The following ELAC1 variants were observed in gnomAD, a reference collection of about 807,000 sequenced individuals.
The protein encoded by ELAC1 is zinc phosphodiesterase ELAC protein 1.
A neutral mutation model predicts 25.8 loss-of-function variants in ELAC1; 19 were observed. That is an observed-to-expected ratio of 0.74 (90% CI 0.51 to 1.08). ELAC1 has a LOEUF of 1.08. Among genes scored for constraint, ELAC1 ranks in the 50% least tolerant of loss-of-function variants. The pLI is 0.00. For synonymous variants in ELAC1, 148 were observed against 160.9 expected, an observed-to-expected ratio of 0.92 and a Z score of 0.61; for missense variants, 403 against 434.6, an observed-to-expected ratio of 0.93 and a Z score of 0.65.
chr18:50,975,256 T>C (rs941478170), intron 2 of ELAC1, among the ~76,000 whole-genome samples: 10 of 152,146 alleles, frequency 6.6e-5, no homozygotes, highest in Admixed American at 4.6e-4. Flanking sequence ...AAGGGTGTTA[T>C]GAGAATTACA....
chr18:50,977,635 T>A (rs1907828446), intron 2 of ELAC1, among the ~76,000 whole-genome samples: 1 of 152,192 alleles, frequency 6.6e-6, no homozygotes, highest in Non-Finnish European at 1.5e-5. Context: ...TCTGGCAACA[T>A]TTTCCCCATT....
Position 50,984,192 on chromosome 18 carries a change from T to C in ELAC1, c.254T>C (p.Met85Thr). The change falls in exon 3 of 4, where the codon ATG (methionine) becomes ACG (threonine). Residue 85 changes from methionine (M) to threonine (T), a missense_variant. Met to Thr is a moderately conservative substitution (Grantham distance 81, BLOSUM62 -1). Coordinates refer to ENST00000269466, the MANE Select transcript of ELAC1 (RefSeq NM_018696.3). ...LCTISLQSGSMVSKQPIEIYG... is the reference protein window; with the variant it reads ...LCTISLQSGSTVSKQPIEIYG... ...ACAATCAGCCTGCAGAGTGGCTCCA[T>C]GGTGTCCAAACAGCCTATTGAAATC... 1 of 1,614,190 alleles carries C rather than the reference T, an allele frequency of 6.2e-7. No homozygotes were observed. Among genetic ancestry groups the C allele is most frequent in the South Asian group, 1.1e-5 (1 of 91,086 alleles).
chr18:50,980,990 A>G (rs186197314), intron 2 of ELAC1, among the ~76,000 whole-genome samples: 41 of 152,118 alleles, frequency 2.7e-4, no homozygotes, highest in Non-Finnish European at 2.6e-4. Flanking sequence ...GATAATGGAT[A>G]TATTACATAG....
At chr18:50,978,650 A>ATGTG (rs1365011233) in intron 2 of ELAC1, among the ~76,000 whole-genome samples, 1 of 151,944 alleles carries the variant, frequency 6.6e-6, no homozygotes. Context: ...CACTGTGTAT[A>ATGTG]TGTGTGTGTG....
chr18:50,974,917 G>A (rs746290597), intron 2 of ELAC1, among the ~76,000 whole-genome samples: 6 of 152,230 alleles, frequency 3.9e-5, no homozygotes, highest in African/African-American at 1.4e-4. Context: ...AGGATGCAAA[G>A]GGTAGGAAAT....
chr18:50,981,790 T>C (rs1232882453), intron 2 of ELAC1, among the ~76,000 whole-genome samples: 1 of 152,000 alleles, frequency 6.6e-6, no homozygotes, highest in Non-Finnish European at 1.5e-5. Flanking sequence ...GAAAGTCAGA[T>C]ATTGGTAGTT....
chr18:50,982,720 A>G (rs1221912042), intron 2 of ELAC1, among the ~76,000 whole-genome samples: 2 of 152,240 alleles, frequency 1.3e-5, no homozygotes, highest in Non-Finnish European at 2.9e-5. Flanking sequence ...TGAAAGGAAG[A>G]ATGGACCCAA....
At chr18:50,978,222 CA>C (rs1453292163) in intron 2 of ELAC1, among the ~76,000 whole-genome samples, 1 of 152,192 alleles carries the variant, frequency 6.6e-6, no homozygotes, top group Non-Finnish European at 1.5e-5. Context: ...GTTCCAAAGT[CA>C]CTTCCACATT....
chr18:50,988,087 C>T lies in ELAC1; in HGVS notation c.*1002C>T, dbSNP rs547785313. On this transcript the variant is annotated 3_prime_UTR_variant, in exon 4 of 4. Transcript: ENST00000269466. Reference sequence around the variant, plus strand: ...ATCTGTTAAACTGAGGTTTCATTGACGTGTCCCTATTAATAAACGTTATTT... The same window carrying T: ...ATCTGTTAAACTGAGGTTTCATTGATGTGTCCCTATTAATAAACGTTATTT... The T allele has an allele frequency of 2.4e-4, 37 of 152,282 alleles. 1 individual carries two copies. Among genetic ancestry groups the T allele is most frequent in the African/African-American group, 7.5e-4 (31 of 41,558 alleles). 9.4% of individuals were successfully genotyped at this position (152,282 alleles called of 1,614,324 possible).
At chr18:50,986,011 C>CTTTTTTTTT (rs34348056) in intron 3 of ELAC1, among the ~76,000 whole-genome samples, 2 of 85,008 alleles carry the variant, frequency 2.4e-5, no homozygotes, top group Non-Finnish European at 4.4e-5. Flanking sequence ...TTGATTATAT[C>CTTTTTTTTT]TTTTTTTTTT....
At chr18:50,979,645 A>G (rs568772780) in intron 2 of ELAC1, among the ~76,000 whole-genome samples, 2 of 152,298 alleles carry the variant, frequency 1.3e-5, no homozygotes, top group South Asian at 4.1e-4. Context: ...GTAGGACGTG[A>G]ACACCAGGAG....
intron 2 of ELAC1, among the ~76,000 whole-genome samples, chr18:50,974,984 A>G (rs1406465154): frequency 6.6e-6 from 1 of 152,150 alleles, no homozygotes; most frequent in East Asian, 1.9e-4. Context: ...AACTTCTCAG[A>G]GAAGTTGACC....
intron 2 of ELAC1, among the ~76,000 whole-genome samples, chr18:50,976,881 C>G (rs1907808010): frequency 6.6e-6 from 1 of 152,202 alleles, no homozygotes; most frequent in African/African-American, 2.4e-5. Context: ...TAAATATACC[C>G]ATTCCAAATG....
At position 50,968,077 on chromosome 18, in the gene ELAC1, C is replaced by G. The variant is rs1053789071; in HGVS notation, c.-46C>G. ...ACAGCTGGGCCAGGGTGCGGGCCTGCGCCTCCCTCGGCTCCTGGCGCGGGC... is the reference window on the plus strand; with the variant it reads ...ACAGCTGGGCCAGGGTGCGGGCCTGGGCCTCCCTCGGCTCCTGGCGCGGGC... On this transcript the variant is annotated 5_prime_UTR_variant, in exon 1 of 4. Transcript: ENST00000269466. 1.3e-5 allele frequency: 2 copies of G among 152,014 alleles called. No individual in the cohort carries two copies. The highest frequency in any genetic ancestry group is 4.8e-5 in the African/African-American group (2 of 41,408). The allele number at this position is 152,014 out of a possible 1,614,324, so 9.4% of individuals were successfully genotyped here.
In ELAC1 at chr18:50,974,518, G is replaced by A; in HGVS notation, c.114G>A (p.Gly38=). 1 of 1,613,484 alleles carries A rather than the reference G, an allele frequency of 6.2e-7. No individual in the cohort carries two copies. Among genetic ancestry groups the A allele is most frequent in the Non-Finnish European group, 8.5e-7 (1 of 1,179,716 alleles). The change falls in exon 2 of 4, where the codon GGG becomes GGA. Residue 38 remains glycine, a synonymous_variant. Coordinates refer to ENST00000269466, the MANE Select transcript of ELAC1 (RefSeq NM_018696.3). ...CEGECWLFDC[G]EGTQTQLMKS... is the part of the protein sequence containing the mutation. ...GCGAGTGCTGGCTCTTTGACTGTGG[G>A]GAGGGAACACAGACACAGCTTATGA...
intron 2 of ELAC1, among the ~76,000 whole-genome samples, chr18:50,976,961 C>A (rs1257493125): frequency 6.6e-6 from 1 of 152,254 alleles, no homozygotes; most frequent in Admixed American, 6.5e-5. Flanking sequence ...ACAGTCAAAT[C>A]TTAAAGCTCC....
chr18:50,968,803 C>A (rs1189859388), intron 1 of ELAC1: 1 of 152,158 alleles, frequency 6.6e-6, no homozygotes, highest in African/African-American at 2.4e-5. Flanking sequence ...GGTGCATGTC[C>A]CAAAACATGC....
At position 50,986,826 on chromosome 18, in the gene ELAC1, T is replaced by A. The variant is rs1908120998; in HGVS notation, c.833T>A (p.Leu278Gln). The change falls in exon 4 of 4, where the codon CTG becomes CAG. Residue 278 changes from leucine (L) to glutamine (Q), a missense_variant. Physicochemically the swap from Leu to Gln is moderately radical, Grantham distance 113. Transcript: ENST00000269466. ...GACCTGTTGATCCACGAAGCAACCC[T>A]GGATGATGCCCAGATGGACAAAGCA... is the stretch of plus-strand genomic sequence containing the variant. Reference protein sequence around the residue: ...EADLLIHEATLDDAQMDKAKE... With the variant: ...EADLLIHEATQDDAQMDKAKE... 6.2e-7 allele frequency: 1 copy of A among 1,614,068 alleles called. No homozygotes were observed. The highest frequency in any genetic ancestry group is 8.5e-7 in the Non-Finnish European group (1 of 1,180,024).
In ELAC1 at chr18:50,986,994, A is replaced by C; in HGVS notation, c.1001A>C (p.Glu334Ala). ...AREGETDGIA[E>A]LKKQAESVLD... ...GAAGGAGAAACAGATGGCATTGCAG[A>C]ACTAAAAAAGCAAGCTGAATCAGTG... Residue 334 changes from glutamate (E) to alanine (A), a missense_variant, in exon 4 of 4, where the codon GAA (glutamate) becomes GCA (alanine). Transcript: ENST00000269466. The C allele has an allele frequency of 6.2e-7, 1 of 1,613,328 alleles. No homozygotes were observed. The highest frequency in any genetic ancestry group is 8.5e-7 in the Non-Finnish European group (1 of 1,179,686).
Sources: gnomAD v4.1 joint callset for allele counts (sites outside exome capture counted in the v4.1 genomes callset) on GRCh38, gnomAD v4.1.1 for gene constraint, MANE v1.5 for transcripts, NCBI Gene and HGNC (gene_info 2026-07-23, HGNC 2026-07-21) for gene names.